The following RYR2 variants were observed in gnomAD, a reference collection of about 807,000 sequenced individuals.
RYR2 encodes ryanodine receptor 2, also known as cardiac muscle ryanodine receptor-calcium release channel.
RYR2 carries 227 observed loss-of-function variants against 601.1 expected under a neutral mutation model. That is an observed-to-expected ratio of 0.38 (90% CI 0.34 to 0.42). The LOEUF (loss-of-function observed/expected upper bound fraction) is 0.42, where lower values mean the gene tolerates loss of function less well. RYR2 is among the 10% of genes least tolerant of loss of function. RYR2 has a pLI of 1.00. For synonymous variants in RYR2, 2,223 were observed against 2,175.1 expected (o/e 1.02, Z -0.61); for missense variants, 4,646 against 6,156.5 (o/e 0.75, Z 8.21).
chr1:237,723,884 G>A (rs892171889), intron 74 of RYR2, among the ~76,000 whole-genome samples: 1 of 151,946 alleles, frequency 6.6e-6, no homozygotes, highest in Non-Finnish European at 1.5e-5. Context: ...GCACAAGAAT[G>A]TGTAAAACAA....
At chr1:237,207,463 G>T (rs1466828763) in intron 1 of RYR2, among the ~76,000 whole-genome samples, 1 of 152,178 alleles carries the variant, frequency 6.6e-6, no homozygotes, top group Non-Finnish European at 1.5e-5. Context: ...TTACTTAGGA[G>T]GCTGAGGCAG....
At chr1:237,647,238 C>T (rs1238957600) in intron 48 of RYR2, among the ~76,000 whole-genome samples, 1 of 152,148 alleles carries the variant, frequency 6.6e-6, no homozygotes, top group Admixed American at 6.5e-5. Flanking sequence ...CTGTCAGTTA[C>T]TAGGTATGTG....
chr1:237,297,697 C>T (rs368579333), intron 2 of RYR2, among the ~76,000 whole-genome samples: 51 of 151,528 alleles, frequency 3.4e-4, no homozygotes, highest in Admixed American at 2.2e-3. Context: ...ATATTGGGAG[C>T]GTTCACATAT....
At position 237,569,325 on chromosome 1, in the gene RYR2, T is replaced by C. The variant is rs1572910448; in HGVS notation, c.3598+6T>C. 6.2e-7 allele frequency: 1 copy of C among 1,612,646 alleles called. No homozygotes were observed. Among genetic ancestry groups the C allele is most frequent in the Non-Finnish European group, 8.5e-7 (1 of 1,179,284 alleles). On this transcript the variant is annotated splice_donor_region_variant and intron_variant, in intron 29 of 104. Coordinates refer to ENST00000366574, the MANE Select transcript of RYR2 (RefSeq NM_001035.3). ...GGACTTTGATGTTGGCGATGGTAAGTCTACTATGTTTTGTGTTTTTTTTAA... is the reference window on the plus strand; with the variant it reads ...GGACTTTGATGTTGGCGATGGTAAGCCTACTATGTTTTGTGTTTTTTTTAA...
chr1:237,344,725 G>T (rs1456382783), intron 3 of RYR2, among the ~76,000 whole-genome samples: 1 of 152,112 alleles, frequency 6.6e-6, no homozygotes, highest in Admixed American at 6.5e-5. Flanking sequence ...ATTTACATTA[G>T]AATATGGTTT....
intron 1 of RYR2, among the ~76,000 whole-genome samples, chr1:237,074,052 C>T (rs1332545357): frequency 6.6e-6 from 1 of 151,806 alleles, no homozygotes; most frequent in Admixed American, 6.6e-5. Flanking sequence ...AATGATGGCT[C>T]ATGTCTGTAA....
chr1:237,234,900 C>G (rs1685399820), intron 1 of RYR2, among the ~76,000 whole-genome samples: 1 of 151,252 alleles, frequency 6.6e-6, no homozygotes, highest in East Asian at 1.9e-4. Flanking sequence ...TTTTTAATGC[C>G]CAAGAATCTA....
chr1:237,429,075 A>G (rs1032797130), intron 12 of RYR2, among the ~76,000 whole-genome samples: 3 of 152,032 alleles, frequency 2.0e-5, no homozygotes, highest in Non-Finnish European at 2.9e-5. Context: ...AACTGGGAAC[A>G]TGCCAACAGT....
intron 25 of RYR2, among the ~76,000 whole-genome samples, chr1:237,545,496 C>A (rs115150371): frequency 5.8e-4 from 88 of 152,212 alleles, no homozygotes; most frequent in African/African-American, 2.1e-3. Context: ...ATCTGTGTGG[C>A]CTCTGTGGCT....
chr1:237,654,490 C>CAA, intron 52 of RYR2, 76 bp downstream of exon 52: 12 of 1,418,598 alleles, frequency 8.5e-6, no homozygotes, highest in Non-Finnish European at 8.7e-6. Context: ...AGATAGTATT[C>CAA]CTAGTTGAAT....
rs201371633 is a variant in RYR2 at position 237,830,577 on chromosome 1, G to C, written c.14703G>C (p.Val4901=). The C allele has an allele frequency of 7.5e-5, 121 of 1,612,176 alleles. No individual in the cohort carries two copies. The highest frequency in any genetic ancestry group is 3.3e-4 in the African/African-American group (25 of 74,878). ...CGIGNDYFDT[V]PHGFETHTLQ... is the part of the protein sequence containing the mutation. ...TAGGCAATGATTACTTCGACACAGTGCCACATGGCTTTGAAACCCACACTT... is the reference window on the plus strand; with the variant it reads ...TAGGCAATGATTACTTCGACACAGTCCCACATGGCTTTGAAACCCACACTT... The change falls in exon 103 of 105, where the codon GTG becomes GTC. Residue 4901 remains valine, a synonymous_variant. Transcript: ENST00000366574.
chr1:237,656,648 T>A (rs1683274600), intron 53 of RYR2, among the ~76,000 whole-genome samples: 1 of 152,216 alleles, frequency 6.6e-6, no homozygotes, highest in African/African-American at 2.4e-5. Context: ...TTACTGATTC[T>A]ATGGTGACTC....
intron 3 of RYR2, chr1:237,341,636 T>C (rs753787939): frequency 1.7e-5 from 9 of 516,732 alleles, no homozygotes. Flanking sequence ...ATGCATGTTA[T>C]GTACTAGGTA....
At chr1:237,731,530 T>TG (rs557134225) in intron 77 of RYR2, among the ~76,000 whole-genome samples, 1 of 152,134 alleles carries the variant, frequency 6.6e-6, no homozygotes, top group African/African-American at 2.4e-5. Context: ...TTTTCACACT[T>TG]GGGGTGACTC....
chr1:237,147,768 C>T (rs1558318062), intron 1 of RYR2, among the ~76,000 whole-genome samples: 1 of 152,222 alleles, frequency 6.6e-6, no homozygotes, highest in Non-Finnish European at 1.5e-5. Context: ...CCTTTGCGAT[C>T]CCGCAACACT....
intron 2 of RYR2, among the ~76,000 whole-genome samples, chr1:237,299,912 A>G (rs1453861462): frequency 6.6e-6 from 1 of 152,246 alleles, no homozygotes; most frequent in East Asian, 1.9e-4. Context: ...AGTGTTTAGA[A>G]AATAATTTCC....
rs746562398 is a variant in RYR2, at chr1:237,657,995, C to T, written c.8181C>T (p.His2727=). ...ACTTCATTAACAAATATGCAGAACA[C>T]TCCCATGACAAATGGTCAATGGACA... is the stretch of plus-strand genomic sequence containing the variant. ...LEYFINKYAE[H]SHDKWSMDKL... The change falls in exon 54 of 105, where the codon CAC becomes CAT. Residue 2727 remains histidine, a synonymous_variant. Coordinates refer to ENST00000366574, the MANE Select transcript of RYR2 (RefSeq NM_001035.3). 41 of 1,510,916 alleles carry T rather than the reference C, an allele frequency of 2.7e-5. No homozygotes were observed. Among genetic ancestry groups the T allele is most frequent in the Non-Finnish European group, 3.5e-5 (39 of 1,126,300 alleles). The allele number at this position is 1,510,916 out of a possible 1,614,324, so 93.6% of individuals were successfully genotyped here.
At chr1:237,504,771 C>A (rs1665039804) in intron 22 of RYR2, among the ~76,000 whole-genome samples, 1 of 152,034 alleles carries the variant, frequency 6.6e-6, no homozygotes, top group Admixed American at 6.6e-5. Context: ...GTTCTTAAGC[C>A]CCCAACCTTT....
At chr1:237,256,375 G>A (rs1687984341) in intron 1 of RYR2, among the ~76,000 whole-genome samples, 1 of 152,148 alleles carries the variant, frequency 6.6e-6, no homozygotes, top group Non-Finnish European at 1.5e-5. Context: ...AATACAGTAA[G>A]TTGGTACCAG....
Sources: gnomAD v4.1 joint callset for allele counts (sites outside exome capture counted in the v4.1 genomes callset) on GRCh38, gnomAD v4.1.1 for gene constraint, MANE v1.5 for transcripts, NCBI Gene and HGNC (gene_info 2026-07-23, HGNC 2026-07-21) for gene names.